The following TMEM68 variants were observed in gnomAD, a reference collection of about 807,000 sequenced individuals.
The protein encoded by TMEM68 is transmembrane protein 68, also known as DGAT1/2-independent enzyme synthesizing storage lipids.
TMEM68 carries 25 observed loss-of-function variants against 36.9 expected under a neutral mutation model. That is an observed-to-expected ratio of 0.68 (90% CI 0.49 to 0.95). The LOEUF (loss-of-function observed/expected upper bound fraction) is 0.95. TMEM68 is among the 40% of genes least tolerant of loss of function. The pLI is 0.00. For missense variants in TMEM68, 333 were observed against 392.0 expected, an observed-to-expected ratio of 0.85 and a Z score of 1.27; for synonymous variants, 131 against 124.4, an observed-to-expected ratio of 1.05 and a Z score of -0.35.
chr8:55,768,100 C>T (rs77864901), intron 1 of TMEM68, among the ~76,000 whole-genome samples: 1,645 of 151,170 alleles, frequency 0.011, 22 homozygotes, highest in African/African-American at 0.038. Context: ...GTTGACAGGC[C>T]TAGTAAGGTA....
chr8:55,764,998 G>A (rs983900585), intron 1 of TMEM68, among the ~76,000 whole-genome samples: 2 of 152,118 alleles, frequency 1.3e-5, no homozygotes, highest in Non-Finnish European at 2.9e-5. Context: ...CTTGAACCTG[G>A]GAGGCGGAGG....
At chr8:55,750,740 A>G (rs1237137194) in intron 5 of TMEM68, 2 of 401,548 alleles carry the variant, frequency 5.0e-6, no homozygotes, top group Non-Finnish European at 4.4e-6. Flanking sequence ...GGGTTTCATC[A>G]TGTTGGCCAG....
intron 7 of TMEM68, 25 bp from the exon 8 acceptor site, chr8:55,740,243 T>A: frequency 6.4e-7 from 1 of 1,568,900 alleles, no homozygotes; most frequent in Non-Finnish European, 8.8e-7. Context: ...AAAGAAAAGC[T>A]ATTGTTAGTA....
intron 4 of TMEM68, 72 bp downstream of exon 4, chr8:55,756,172 G>T: frequency 1.4e-6 from 2 of 1,388,060 alleles, no homozygotes; most frequent in Non-Finnish European, 2.0e-6. Context: ...GAGAGCTCAG[G>T]ATAGAGACGA....
intron 1 of TMEM68, among the ~76,000 whole-genome samples, chr8:55,769,615 C>T (rs1400079941): frequency 1.3e-5 from 2 of 152,028 alleles, no homozygotes; most frequent in African/African-American, 4.8e-5. Context: ...GCTAAATATA[C>T]AACTGAACTG....
intron 6 of TMEM68, 65 bp downstream of exon 6, chr8:55,744,996 G>A (rs1208886882): frequency 9.5e-7 from 1 of 1,051,686 alleles, no homozygotes; most frequent in East Asian, 2.8e-5. Flanking sequence ...TTCCTTGTAG[G>A]GTTCAACAGC....
At chr8:55,771,641 T>G (rs10738144) in intron 1 of TMEM68, among the ~76,000 whole-genome samples, 131,171 of 151,852 alleles carry the variant, frequency 0.86, 56,780 homozygotes, top group East Asian at 0.99. Context: ...AATAAATAAA[T>G]AAAGTATATC....
At chr8:55,751,656 A>C in intron 4 of TMEM68, 1 of 253,890 alleles carries the variant, frequency 3.9e-6, no homozygotes, top group Non-Finnish European at 7.7e-6. Context: ...AGATAATGCT[A>C]ATTCTATAAT....
At chr8:55,752,560 C>A (rs13278879) in intron 4 of TMEM68, among the ~76,000 whole-genome samples, 1 of 152,166 alleles carries the variant, frequency 6.6e-6, no homozygotes, top group African/African-American at 2.4e-5. Flanking sequence ...TGCACTCCAA[C>A]CTGGGCAACA....
chr8:55,750,953 A>G lies in TMEM68; in HGVS notation c.687+11T>C. 1 of 1,596,714 alleles carries G rather than the reference A, an allele frequency of 6.3e-7. No individual in the cohort carries two copies. The highest frequency in any genetic ancestry group is 8.5e-7 in the Non-Finnish European group (1 of 1,175,902). ...AAGCTTTACTTCAATAATTAATTTT[A>G]TATAACTCACCACTTTTGCATCAAT... On this transcript the variant is annotated intron_variant, in intron 5 of 7. Transcript: ENST00000434581.
At chr8:55,743,757 T>A (rs1002810368) in intron 6 of TMEM68, 137 bp from the exon 7 acceptor site, 5 of 707,682 alleles carry the variant, frequency 7.1e-6, no homozygotes, top group African/African-American at 3.7e-5. Flanking sequence ...ACAATTTTTT[T>A]AAAAAGAAGA....
rs868756794 is a variant in TMEM68, at chr8:55,756,858, C to T, written c.326-447G>A. Among the ~76,000 whole-genome samples the T allele has an allele frequency of 1.2e-4, 18 of 152,212 alleles. 1 individual carries two copies. In the South Asian group the frequency reaches 1.9e-3, roughly 16 times the overall value. ...CATCCACAACCAGCAAGCAGCCTGG[C>T]AGGAGGGGCCAGAGCCCGAGACAGG... On this transcript the variant is annotated intron_variant, in intron 3 of 7. Coordinates refer to ENST00000434581, the MANE Select transcript of TMEM68 (RefSeq NM_001286657.2).
chr8:55,752,937 C>T (rs1328637737), intron 4 of TMEM68, among the ~76,000 whole-genome samples: 1 of 151,764 alleles, frequency 6.6e-6, no homozygotes, highest in Non-Finnish European at 1.5e-5. Flanking sequence ...TGCTATGTTG[C>T]CCAGGGTGGT....
intron 5 of TMEM68, among the ~76,000 whole-genome samples, chr8:55,750,179 T>C (rs998794933): frequency 6.6e-6 from 1 of 152,244 alleles, no homozygotes. Flanking sequence ...TTCTTAATTT[T>C]TGTATAACTG....
At chr8:55,746,286 A>C (rs1485428193) in intron 5 of TMEM68, 10 of 140,150 alleles carry the variant, frequency 7.1e-5, no homozygotes, top group African/African-American at 2.6e-4. Context: ...ACTGCACTCC[A>C]GTAAGGGCAA....
chr8:55,764,882 G>A lies in TMEM68; in HGVS notation c.-114-902C>T, dbSNP rs528560345. ...GAGGTCGGGGGTTTGAGACCAGCCT[G>A]ACCAACATGGTGAAACTCCATCTCT... On this transcript the variant is annotated intron_variant, in intron 1 of 7. Transcript: ENST00000434581. Among the ~76,000 whole-genome samples the A allele has an allele frequency of 4.3e-4, 65 of 152,298 alleles. 1 individual carries two copies. Among genetic ancestry groups the A allele is most frequent in the South Asian group, 2.3e-3 (11 of 4,822 alleles).
chr8:55,763,718 A>ATGTTT (rs375048520), intron 2 of TMEM68: 2 of 44,674 alleles, frequency 4.5e-5, no homozygotes, highest in Non-Finnish European at 6.0e-5. Flanking sequence ...AAAAGAAAAC[A>ATGTTT]TCAATATCTA....
chr8:55,760,211 A>G lies in TMEM68; in HGVS notation c.325+2424T>C, dbSNP rs189591852. Among the ~76,000 whole-genome samples, 470 of 152,388 alleles carry G rather than the reference A, an allele frequency of 3.1e-3. 5 individuals are homozygous for G. Among genetic ancestry groups the G allele is most frequent in the African/African-American group, 0.01 (417 of 41,580 alleles). On this transcript the variant is annotated intron_variant, in intron 3 of 7. Coordinates refer to ENST00000434581, the MANE Select transcript of TMEM68 (RefSeq NM_001286657.2). ...GAAAAGACTTAAGTAAGATCCAACTATGCCTCAGAGGAAAATCACAGAAGT... is the reference window on the plus strand; with the variant it reads ...GAAAAGACTTAAGTAAGATCCAACTGTGCCTCAGAGGAAAATCACAGAAGT...
chr8:55,766,578 A>G (rs1810969410), intron 1 of TMEM68, among the ~76,000 whole-genome samples: 1 of 151,952 alleles, frequency 6.6e-6, no homozygotes, highest in South Asian at 2.1e-4. Context: ...GGGTTTCACC[A>G]TGTTAGCCAG....
Sources: gnomAD v4.1 joint callset for allele counts (sites outside exome capture counted in the v4.1 genomes callset) on GRCh38, gnomAD v4.1.1 for gene constraint, MANE v1.5 for transcripts, NCBI Gene and HGNC (gene_info 2026-07-23, HGNC 2026-07-21) for gene names.